The following NTN1 variants were observed in gnomAD, a reference collection of about 807,000 sequenced individuals.
The protein encoded by NTN1 is netrin 1.
A neutral mutation model predicts 54.2 loss-of-function variants in NTN1; 11 were observed. The observed-to-expected ratio is 0.20, with a 90% CI of 0.13 to 0.34. The LOEUF (loss-of-function observed/expected upper bound fraction) is 0.34. Ranked by LOEUF, NTN1 falls within the 10% of genes least tolerant of loss-of-function variation. The pLI, the probability that NTN1 is intolerant of heterozygous loss-of-function variation, is 1.00. For missense variants in NTN1, 740 were observed against 893.1 expected (o/e 0.83, Z 2.18); for synonymous variants, 371 against 382.0 (o/e 0.97, Z 0.33).
At chr17:9,060,253 T>G (rs1004851163) in intron 2 of NTN1, among the ~76,000 whole-genome samples, 5 of 152,102 alleles carry the variant, frequency 3.3e-5, no homozygotes, top group Non-Finnish European at 5.9e-5. Context: ...GATGATCCAC[T>G]TCCACTTAAT....
intron 2 of NTN1, among the ~76,000 whole-genome samples, chr17:9,081,042 T>G (rs932901861): frequency 2.0e-5 from 3 of 152,200 alleles, no homozygotes; most frequent in Non-Finnish European, 4.4e-5. Context: ...TATAGCTGGT[T>G]GGTCAGAAGC....
intron 2 of NTN1, among the ~76,000 whole-genome samples, chr17:9,084,705 G>A (rs935259628): frequency 1.0e-4 from 14 of 138,732 alleles, no homozygotes; most frequent in Non-Finnish European, 1.7e-4. Context: ...AGGCTGGAGT[G>A]CAGTGGCGTG....
intron 2 of NTN1, among the ~76,000 whole-genome samples, chr17:9,116,511 C>G (rs2092212931): frequency 6.6e-6 from 1 of 152,208 alleles, no homozygotes; most frequent in African/African-American, 2.4e-5. Flanking sequence ...CCCTCTTTCT[C>G]TCCCCACATC....
Position 9,162,982 on chromosome 17 carries a change from C to A in NTN1, c.1188C>A (p.Thr396=). ...GYYRDMGKPI[T]HRKACKACDC... ...ACCGCGACATGGGCAAGCCCATCAC[C>A]CACCGGAAGGCCTGCAAAGGTGGGC... The change falls in exon 3 of 7, where the codon ACC becomes ACA. Residue 396 remains threonine (T), a synonymous_variant. Coordinates refer to ENST00000173229, the MANE Select transcript of NTN1 (RefSeq NM_004822.3). 6.2e-7 allele frequency: 1 copy of A among 1,611,592 alleles called. No individual in the cohort carries two copies. Among genetic ancestry groups the A allele is most frequent in the Non-Finnish European group, 8.5e-7 (1 of 1,178,840 alleles).
At chr17:9,025,126 C>A (rs1398320200) in intron 2 of NTN1, among the ~76,000 whole-genome samples, 1 of 152,210 alleles carries the variant, frequency 6.6e-6, no homozygotes, top group Non-Finnish European at 1.5e-5. Flanking sequence ...CAAGTGAATA[C>A]ATTTAGGCGA....
chr17:9,067,461 T>C (rs1347284533), intron 2 of NTN1, among the ~76,000 whole-genome samples: 2 of 152,204 alleles, frequency 1.3e-5, no homozygotes, highest in Non-Finnish European at 2.9e-5. Flanking sequence ...CAGTTTTCAC[T>C]GTATTAAATA....
intron 2 of NTN1, among the ~76,000 whole-genome samples, chr17:9,074,272 C>T (rs758818933): frequency 1.1e-4 from 16 of 152,206 alleles, no homozygotes; most frequent in Non-Finnish European, 2.2e-4. Flanking sequence ...AGGGATGGGA[C>T]GCGGCCAGCC....
At chr17:9,131,203 G>A (rs75637617) in intron 2 of NTN1, among the ~76,000 whole-genome samples, 2,012 of 152,156 alleles carry the variant, frequency 0.013, 41 homozygotes, top group African/African-American at 0.045. Flanking sequence ...CAAGGGCTCC[G>A]TGATCACCCT....
intron 5 of NTN1, among the ~76,000 whole-genome samples, chr17:9,184,323 C>A (rs956708452): frequency 6.6e-6 from 1 of 151,960 alleles, no homozygotes; most frequent in South Asian, 2.1e-4. Flanking sequence ...GGGGAAATGG[C>A]GAAGAGAAGG....
chr17:9,104,088 C>CAAAAAAAAAAAA (rs55732200), intron 2 of NTN1, among the ~76,000 whole-genome samples: 1 of 70,838 alleles, frequency 1.4e-5, no homozygotes, highest in Non-Finnish European at 2.5e-5. Context: ...GACTCCATCT[C>CAAAAAAAAAAAA]AAAAAAAAAA....
At chr17:9,236,709 C>T (rs1002117151) in intron 6 of NTN1, among the ~76,000 whole-genome samples, 3 of 152,204 alleles carry the variant, frequency 2.0e-5, no homozygotes, top group African/African-American at 7.2e-5. Context: ...TGCTCTATCC[C>T]TCTGGACTCC....
intron 2 of NTN1, among the ~76,000 whole-genome samples, chr17:9,043,135 A>G (rs1040264645): frequency 3.3e-5 from 5 of 152,210 alleles, no homozygotes; most frequent in Non-Finnish European, 7.3e-5. Flanking sequence ...ATAGGATTCT[A>G]TATAATAATC....
intron 2 of NTN1, among the ~76,000 whole-genome samples, chr17:9,050,445 G>A (rs892622383): frequency 5.9e-5 from 9 of 151,424 alleles, no homozygotes; most frequent in African/African-American, 1.7e-4. Flanking sequence ...TGAAGTGGGC[G>A]GATCACTTGA....
intron 2 of NTN1, among the ~76,000 whole-genome samples, chr17:9,059,978 G>A (rs949563792): frequency 3.9e-5 from 6 of 152,068 alleles, no homozygotes; most frequent in African/African-American, 7.2e-5. Flanking sequence ...GGCACCTGTC[G>A]GAAGAAACTG....
chr17:9,114,377 T>A (rs1391589293), intron 2 of NTN1, among the ~76,000 whole-genome samples: 1 of 151,264 alleles, frequency 6.6e-6, no homozygotes, highest in East Asian at 1.9e-4. Context: ...TTACTTTTAA[T>A]TACAAAATGC....
At chr17:9,028,187 C>T (rs1191509746) in intron 2 of NTN1, among the ~76,000 whole-genome samples, 3 of 152,054 alleles carry the variant, frequency 2.0e-5, no homozygotes, top group Non-Finnish European at 2.9e-5. Context: ...TTCACTGGAA[C>T]GTATTGAAAA....
intron 2 of NTN1, among the ~76,000 whole-genome samples, 190 bp downstream of exon 2, chr17:9,023,581 AT>A (rs1216713027): frequency 1.3e-5 from 2 of 152,262 alleles, no homozygotes; most frequent in African/African-American, 4.8e-5. Context: ...GGACGCCCGA[AT>A]TTGCGCCCAG....
At chr17:9,044,229 C>T (rs907272581) in intron 2 of NTN1, among the ~76,000 whole-genome samples, 13 of 98,286 alleles carry the variant, frequency 1.3e-4, no homozygotes, top group African/African-American at 4.4e-4. Flanking sequence ...TTGCTGTTTC[C>T]GGTACTTTTT....
chr17:9,095,468 A>G (rs1183009978), intron 2 of NTN1, among the ~76,000 whole-genome samples: 1 of 152,172 alleles, frequency 6.6e-6, no homozygotes, highest in Non-Finnish European at 1.5e-5. Flanking sequence ...CCAGCCTTTC[A>G]CTTTGTCCAT....
Sources: allele counts gnomAD v4.1 joint callset (sites outside exome capture counted in the v4.1 genomes callset), GRCh38; gene constraint gnomAD v4.1.1; transcripts MANE v1.5; gene names NCBI Gene and HGNC (gene_info 2026-07-23, HGNC 2026-07-21).